Variants in MDGA2 observed in about 807,000 individuals in gnomAD.
MDGA2 encodes MAM domain-containing glycosylphosphatidylinositol anchor protein 2.
A neutral mutation model predicts 117.8 loss-of-function variants in MDGA2; 40 were observed. The ratio of observed to expected loss-of-function variants is 0.34; its 90% CI spans 0.26 to 0.44. MDGA2 has a LOEUF of 0.44. Among genes scored for constraint, MDGA2 ranks in the 20% least tolerant of loss-of-function variants. The probability of loss-of-function intolerance (pLI) is 1.00; values close to 1 mark genes in which losing one functional copy is unlikely to be tolerated. For missense variants in MDGA2, 1,123 were observed against 1,250.6 expected (o/e 0.90, Z 1.54); for synonymous variants, 452 against 439.0 (o/e 1.03, Z -0.37).
At chr14:47,411,436 T>C (rs1892370443) in intron 1 of MDGA2, among the ~76,000 whole-genome samples, 1 of 152,172 alleles carries the variant, frequency 6.6e-6, no homozygotes, top group Non-Finnish European at 1.5e-5. Flanking sequence ...GCCATTTATG[T>C]CACTGTCCAG....
chr14:47,279,973 A>G (rs1233881170), intron 2 of MDGA2, among the ~76,000 whole-genome samples: 1 of 151,914 alleles, frequency 6.6e-6, no homozygotes, highest in Non-Finnish European at 1.5e-5. Context: ...TGGACTCAGG[A>G]GATCCTGCCT....
chr14:47,225,599 G>A (rs912826542), intron 2 of MDGA2, among the ~76,000 whole-genome samples: 13 of 151,266 alleles, frequency 8.6e-5, no homozygotes, highest in African/African-American at 2.7e-4. Context: ...ACTCATAGGT[G>A]GGAATTGAAC....
chr14:47,342,281 T>TA (rs58883627), intron 1 of MDGA2, among the ~76,000 whole-genome samples: 2 of 82,414 alleles, frequency 2.4e-5, no homozygotes, highest in South Asian at 1.1e-3. Flanking sequence ...TATATATATA[T>TA]AAAATATGTT....
At chr14:46,942,850 T>C (rs1198568709) in intron 9 of MDGA2, among the ~76,000 whole-genome samples, 1 of 152,130 alleles carries the variant, frequency 6.6e-6, no homozygotes, top group African/African-American at 2.4e-5. Context: ...GAAGCTGATA[T>C]TAAAGTTTGT....
chr14:46,994,948 C>T (rs1352433726), intron 8 of MDGA2, among the ~76,000 whole-genome samples: 2 of 151,894 alleles, frequency 1.3e-5, no homozygotes, highest in East Asian at 1.9e-4. Flanking sequence ...TTACTTTATC[C>T]ACAAGTATCA....
chr14:46,855,428 T>G lies in MDGA2; in HGVS notation c.2753-274A>C, dbSNP rs979059437. ...GCAATGGGGAGATTATTCTAGATTA[T>G]TAGGGTGAGTCCTAAATGCAATTAC... On this transcript the variant is annotated intron_variant, in intron 14 of 16. Coordinates refer to ENST00000399232, the MANE Select transcript of MDGA2 (RefSeq NM_001113498.3). This position sits in a 1 kb window ranked among gnomAD's most constrained non-coding sequence, Gnocchi z 4.1. 1.3e-5 allele frequency among the ~76,000 whole-genome samples: 2 copies of G among 152,168 alleles called. No homozygotes were observed. The highest frequency in any genetic ancestry group is 4.8e-5 in the African/African-American group (2 of 41,460).
chr14:47,108,660 C>T (rs10136641), intron 5 of MDGA2, among the ~76,000 whole-genome samples: 53,472 of 145,964 alleles, frequency 0.37, 7,886 homozygotes, highest in South Asian at 0.5. Flanking sequence ...TATCTCCCTT[C>T]GCTGACTCTC....
intron 6 of MDGA2, among the ~76,000 whole-genome samples, chr14:47,069,096 C>A (rs1283613300): frequency 6.6e-6 from 1 of 152,066 alleles, no homozygotes; most frequent in Non-Finnish European, 1.5e-5. Flanking sequence ...CCCAATAATC[C>A]CTCAAACCAT....
chr14:47,609,046 C>T (rs944811605), intron 1 of MDGA2, among the ~76,000 whole-genome samples: 5 of 151,720 alleles, frequency 3.3e-5, no homozygotes, highest in African/African-American at 1.2e-4. Context: ...GCATTCAGTT[C>T]TTTTTTTATT....
In MDGA2 at chr14:46,920,054, A is replaced by C; in HGVS notation, c.2196T>G (p.Asp732Glu). Residue 732 changes from aspartate (D) to glutamate (E), a missense_variant, in exon 10 of 17, where the codon GAT becomes GAG. Asp to Glu is a conservative substitution (Grantham distance 45). Around this residue, in one of 2 missense-constraint regions of MDGA2, gnomAD observed 890 missense variants for 1,050.3 expected, o/e 0.85. Coordinates refer to ENST00000399232, the MANE Select transcript of MDGA2 (RefSeq NM_001113498.3). ...GGTATGCAACAATCCGATCCACTGC[A>C]TCAGGATTCATCTGTGTCCACTGTA... ...YSLQWTQMNP[D>E]AVDRIVAYRL... The C allele has an allele frequency of 1.3e-6, 2 of 1,596,204 alleles. No homozygotes were observed. The highest frequency in any genetic ancestry group is 1.7e-6 in the Non-Finnish European group (2 of 1,172,910).
At chr14:47,243,237 A>G (rs1181732520) in intron 2 of MDGA2, among the ~76,000 whole-genome samples, 1 of 151,036 alleles carries the variant, frequency 6.6e-6, no homozygotes, top group Non-Finnish European at 1.5e-5. Flanking sequence ...TATCTAACTA[A>G]TCTGGTGGGG....
chr14:47,232,858 G>A (rs1217577762), intron 2 of MDGA2, among the ~76,000 whole-genome samples: 1 of 152,096 alleles, frequency 6.6e-6, no homozygotes, highest in East Asian at 1.9e-4. Context: ...ACAGAAAGAG[G>A]AATGATGGAA....
chr14:47,653,060 A>G (rs1047798403), intron 1 of MDGA2, among the ~76,000 whole-genome samples: 4 of 148,434 alleles, frequency 2.7e-5, no homozygotes, highest in East Asian at 2.1e-4. Context: ...CCACTGGTGG[A>G]TATGAGTGCT....
intron 8 of MDGA2, among the ~76,000 whole-genome samples, chr14:47,014,121 T>TTG (rs980061843): frequency 1.4e-4 from 21 of 152,098 alleles, no homozygotes; most frequent in African/African-American, 4.8e-4. Flanking sequence ...ATCAGAGTTA[T>TTG]TGAGTGACCA....
At chr14:47,561,596 A>C (rs1820037895) in intron 1 of MDGA2, among the ~76,000 whole-genome samples, 1 of 152,128 alleles carries the variant, frequency 6.6e-6, no homozygotes. Context: ...AACTTTGCTG[A>C]AGTTGTTTAT....
At chr14:46,972,982 C>A (rs987125379) in intron 8 of MDGA2, among the ~76,000 whole-genome samples, 1 of 152,036 alleles carries the variant, frequency 6.6e-6, no homozygotes, top group Non-Finnish European at 1.5e-5. Context: ...AGACACCTCA[C>A]CAAAGAAGAC....
At chr14:47,360,110 G>C (rs1056541196) in intron 1 of MDGA2, among the ~76,000 whole-genome samples, 2 of 152,058 alleles carry the variant, frequency 1.3e-5, no homozygotes, top group Non-Finnish European at 2.9e-5. Flanking sequence ...CCAGCACTTT[G>C]GGAGGCTGAG....
chr14:47,463,757 T>A (rs541790978), intron 1 of MDGA2, among the ~76,000 whole-genome samples: 2 of 152,178 alleles, frequency 1.3e-5, no homozygotes, highest in African/African-American at 4.8e-5. Flanking sequence ...TCAAACATTG[T>A]GGCAGGCACC....
intron 1 of MDGA2, among the ~76,000 whole-genome samples, chr14:47,561,141 GTTTTT>G (rs745347174): frequency 3.8e-5 from 2 of 52,156 alleles, no homozygotes; most frequent in Non-Finnish European, 8.4e-5. Context: ...CTCTATCTTT[GTTTTT>G]TTTTTTGTTT....
Sources: allele counts gnomAD v4.1 joint callset (sites outside exome capture counted in the v4.1 genomes callset), GRCh38; gene constraint gnomAD v4.1.1; regional missense constraint gnomAD v4.1.1; non-coding constraint Gnocchi (gnomAD v3.1); transcripts MANE v1.5; gene names NCBI Gene and HGNC (gene_info 2026-07-23, HGNC 2026-07-21).